The following SPON1 variants were observed in gnomAD, a reference collection of about 807,000 sequenced individuals.
The protein encoded by SPON1 is spondin-1.
Under a neutral mutation model 111.7 loss-of-function variants are expected in SPON1, and 52 were observed. The ratio of observed to expected loss-of-function variants is 0.47; its 90% CI spans 0.37 to 0.59. The LOEUF (loss-of-function observed/expected upper bound fraction) is 0.59. SPON1 is among the 20% of genes least tolerant of loss of function. SPON1 has a pLI of 0.00. For synonymous variants in SPON1, 410 were observed against 395.8 expected, an observed-to-expected ratio of 1.04 and a Z score of -0.43; for missense variants, 957 against 1,068.5, an observed-to-expected ratio of 0.90 and a Z score of 1.46.
intron 2 of SPON1, among the ~76,000 whole-genome samples, chr11:13,998,011 ATCTT>A (rs1445700919): frequency 6.6e-6 from 1 of 152,182 alleles, no homozygotes; most frequent in South Asian, 2.1e-4. Context: ...GAGCAGAGAC[ATCTT>A]TCTTTCACAA....
At chr11:14,058,086 A>G (rs1347537004) in intron 3 of SPON1, among the ~76,000 whole-genome samples, 1 of 152,022 alleles carries the variant, frequency 6.6e-6, no homozygotes. Context: ...CTATATTGAC[A>G]TCTTTCCTTC....
chr11:13,980,071 C>T (rs935753540), intron 1 of SPON1, among the ~76,000 whole-genome samples: 2 of 151,566 alleles, frequency 1.3e-5, no homozygotes, highest in Non-Finnish European at 2.9e-5. Flanking sequence ...GACAGAGTCA[C>T]GCTCTGTTGC....
chr11:14,254,502 T>C, intron 7 of SPON1, 26 bp from the exon 8 acceptor site: 5 of 1,565,704 alleles, frequency 3.2e-6, no homozygotes, highest in Non-Finnish European at 3.5e-6. Flanking sequence ...AACTCTAATA[T>C]AATGGTCTCT....
Position 14,096,031 on chromosome 11 carries a change from A to T in SPON1, c.676+16010A>T, listed in dbSNP as rs1467503529. 2.0e-5 allele frequency among the ~76,000 whole-genome samples: 3 copies of T among 152,322 alleles called. No individual in the cohort carries two copies. The South Asian group carries it at 6.2e-4, about 32-fold the overall frequency. On this transcript the variant is annotated intron_variant, in intron 5 of 15. Transcript: ENST00000576479. ...CACCAGGCTGAGTCACAAATATAGG[A>T]TTTCACCAGGAAATGGAATTTGGCA...
intron 5 of SPON1, among the ~76,000 whole-genome samples, chr11:14,089,163 G>C (rs1386534770): frequency 1.3e-5 from 2 of 152,010 alleles, no homozygotes; most frequent in Non-Finnish European, 2.9e-5. Context: ...ATCCAGTTTT[G>C]TGCACTTGCT....
intron 2 of SPON1, among the ~76,000 whole-genome samples, chr11:14,024,625 G>A (rs1036646479): frequency 2.0e-5 from 3 of 152,174 alleles, no homozygotes; most frequent in Non-Finnish European, 2.9e-5. Flanking sequence ...TGCCTGCTAA[G>A]GTCTCGGGTT....
At chr11:14,057,029 CTAAATAATA>C (rs1234870405) in intron 3 of SPON1, among the ~76,000 whole-genome samples, 12 of 151,920 alleles carry the variant, frequency 7.9e-5, no homozygotes, top group South Asian at 2.1e-4. Flanking sequence ...TGGAAATAAA[CTAAATAATA>C]TAAATAATAT....
At chr11:14,212,397 A>G (rs1369801128) in intron 6 of SPON1, among the ~76,000 whole-genome samples, 1 of 152,352 alleles carries the variant, frequency 6.6e-6, no homozygotes, top group East Asian at 1.9e-4. Context: ...AAAATCATAT[A>G]TGTTTATTAT....
chr11:14,021,046 G>A (rs1848477715), intron 2 of SPON1, among the ~76,000 whole-genome samples: 1 of 152,120 alleles, frequency 6.6e-6, no homozygotes, highest in South Asian at 2.1e-4. Context: ...AAAGAAATGA[G>A]GTTACAGAAT....
chr11:14,263,652 C>T (rs1404320004), intron 15 of SPON1, among the ~76,000 whole-genome samples: 2 of 152,172 alleles, frequency 1.3e-5, no homozygotes, highest in African/African-American at 4.8e-5. Context: ...CATCATCTTA[C>T]ATTGACTGGA....
At chr11:14,211,811 G>T (rs1848579714) in intron 6 of SPON1, among the ~76,000 whole-genome samples, 1 of 151,990 alleles carries the variant, frequency 6.6e-6, no homozygotes, top group Non-Finnish European at 1.5e-5. Context: ...TTAGTTCCAG[G>T]TGTACAGCAA....
chr11:14,130,104 A>G lies in SPON1; in HGVS notation c.677-5316A>G, dbSNP rs913653693. Among the ~76,000 whole-genome samples, 3 of 152,170 alleles carry G rather than the reference A, an allele frequency of 2.0e-5. No homozygotes were observed. The East Asian group carries it at 5.8e-4, about 29-fold the overall frequency. ...CAATCCTCACTATAACCTTATCCTC[A>G]TGTTACATATGAAGAAACTGAGGCC... On this transcript the variant is annotated intron_variant, in intron 5 of 15. Coordinates refer to ENST00000576479, the MANE Select transcript of SPON1 (RefSeq NM_006108.4).
At chr11:14,034,378 C>T (rs1554916395) in intron 2 of SPON1, among the ~76,000 whole-genome samples, 1 of 152,150 alleles carries the variant, frequency 6.6e-6, no homozygotes, top group African/African-American at 2.4e-5. Context: ...TTCTGAGACC[C>T]ACTCTAGATG....
At chr11:14,170,911 G>C (rs1478978880) in intron 6 of SPON1, among the ~76,000 whole-genome samples, 1 of 152,130 alleles carries the variant, frequency 6.6e-6, no homozygotes, top group Non-Finnish European at 1.5e-5. Context: ...TTTTATTGAG[G>C]ATTTTTGCAT....
intron 2 of SPON1, among the ~76,000 whole-genome samples, chr11:14,002,609 A>G (rs1848327580): frequency 6.6e-6 from 1 of 152,168 alleles, no homozygotes; most frequent in African/African-American, 2.4e-5. Context: ...GACCCAGTTT[A>G]GAAAACACAT....
At chr11:14,064,982 T>C (rs1379226370) in intron 3 of SPON1, among the ~76,000 whole-genome samples, 2 of 152,142 alleles carry the variant, frequency 1.3e-5, no homozygotes, top group African/African-American at 4.8e-5. Context: ...CAATTTTGCA[T>C]ATACTTTCCA....
intron 1 of SPON1, among the ~76,000 whole-genome samples, chr11:13,965,972 T>C (rs1848012814): frequency 1.3e-5 from 2 of 152,158 alleles, no homozygotes; most frequent in Admixed American, 1.3e-4. Context: ...AGTATTCCAG[T>C]TCATCCCCAA....
intron 6 of SPON1, among the ~76,000 whole-genome samples, chr11:14,171,727 T>G (rs1395484127): frequency 3.9e-5 from 6 of 152,160 alleles, no homozygotes; most frequent in Non-Finnish European, 5.9e-5. Flanking sequence ...ACATCTTTAT[T>G]TCTGCCTTCA....
At chr11:14,100,381 C>T (rs1849134111) in intron 5 of SPON1, among the ~76,000 whole-genome samples, 1 of 149,946 alleles carries the variant, frequency 6.7e-6, no homozygotes, top group African/African-American at 2.5e-5. Context: ...TGTACTTTCT[C>T]ATTTCTTTTT....
Sources: allele counts gnomAD v4.1 joint callset (sites outside exome capture counted in the v4.1 genomes callset), GRCh38; gene constraint gnomAD v4.1.1; transcripts MANE v1.5; gene names NCBI Gene and HGNC (gene_info 2026-07-23, HGNC 2026-07-21).